ASIC2: variants seen among roughly 807,000 people sequenced by gnomAD.
ASIC2 encodes acid-sensing ion channel 2.
A neutral mutation model predicts 57.3 loss-of-function variants in ASIC2; 25 were observed. The observed-to-expected ratio is 0.44, with a 90% confidence interval of 0.32 to 0.61. ASIC2 has a LOEUF of 0.61. Among genes scored for constraint, ASIC2 ranks in the 20% least tolerant of loss-of-function variants. The pLI is 0.06. For missense variants in ASIC2, 641 were observed against 738.1 expected, an observed-to-expected ratio of 0.87 and a Z score of 1.52; for synonymous variants, 319 against 307.5, an observed-to-expected ratio of 1.04 and a Z score of -0.39.
intron 1 of ASIC2, among the ~76,000 whole-genome samples, chr17:33,769,376 A>G (rs1284228238): frequency 1.3e-5 from 2 of 151,980 alleles, no homozygotes; most frequent in African/African-American, 4.8e-5. Flanking sequence ...TCCCACACTT[A>G]CTCCCTCAAA....
At chr17:34,039,279 T>C in intron 1 of ASIC2, 1 of 1,613,994 alleles carries the variant, frequency 6.2e-7, no homozygotes, top group Non-Finnish European at 8.5e-7. Flanking sequence ...AGATCTGTTT[T>C]TGGGAGCTGC....
intron 1 of ASIC2, among the ~76,000 whole-genome samples, chr17:33,204,121 G>A (rs1174665119): frequency 3.3e-5 from 5 of 152,232 alleles, no homozygotes; most frequent in Non-Finnish European, 7.3e-5. Flanking sequence ...TGGGCTTTCA[G>A]AGAGACCTGC....
chr17:33,452,776 T>TGTGTGTGTGTGA (rs927088214), intron 1 of ASIC2, among the ~76,000 whole-genome samples: 2 of 151,270 alleles, frequency 1.3e-5, no homozygotes, highest in East Asian at 1.9e-4. Context: ...TGTGTGTGTG[T>TGTGTGTGTGTGA]GATAGCCTTT....
chr17:33,136,418 T>G (rs2092367443), intron 1 of ASIC2, among the ~76,000 whole-genome samples: 1 of 152,246 alleles, frequency 6.6e-6, no homozygotes, highest in Non-Finnish European at 1.5e-5. Context: ...TGCACATGCA[T>G]GCTTGAATAT....
chr17:33,184,699 C>T (rs1281293753), intron 1 of ASIC2, among the ~76,000 whole-genome samples: 18 of 152,146 alleles, frequency 1.2e-4, no homozygotes, highest in Admixed American at 1.0e-3. Flanking sequence ...CCCTGCATCC[C>T]GTTGGATACC....
Position 33,084,537 on chromosome 17 carries a change from C to T in ASIC2, c.987+4326G>A, listed in dbSNP as rs189231909. On this transcript the variant is annotated intron_variant, in intron 3 of 9. Transcript: ENST00000225823. ...CCCAACCCTGCTGCTCCCCTAGCTA[C>T]GCAACCTTGAACAAGTTATTCAACC... 8.5e-5 allele frequency among the ~76,000 whole-genome samples: 13 copies of T among 152,338 alleles called. No individual in the cohort carries two copies. In the East Asian group the frequency reaches 2.5e-3, roughly 29 times the overall value.
chr17:33,436,851 TTC>T (rs1344415198), intron 1 of ASIC2, among the ~76,000 whole-genome samples: 1,076 of 49,520 alleles, frequency 0.022, 132 homozygotes, highest in Non-Finnish European at 0.034. Context: ...ACATTCCAAC[TTC>T]TTTTTTTTTT....
chr17:33,636,235 G>A (rs1022373415), intron 1 of ASIC2, among the ~76,000 whole-genome samples: 7 of 152,174 alleles, frequency 4.6e-5, no homozygotes, highest in Non-Finnish European at 8.8e-5. Flanking sequence ...ACGGGTCATG[G>A]TAGAGTTTCA....
intron 1 of ASIC2, among the ~76,000 whole-genome samples, chr17:34,012,056 T>C (rs1351956617): frequency 6.6e-6 from 1 of 152,068 alleles, no homozygotes; most frequent in Admixed American, 6.5e-5. Flanking sequence ...CCTTCCTCCC[T>C]CCCCTTATTT....
At chr17:34,123,364 C>T (rs781085604) in intron 1 of ASIC2, among the ~76,000 whole-genome samples, 6 of 152,174 alleles carry the variant, frequency 3.9e-5, no homozygotes, top group Non-Finnish European at 7.3e-5. Flanking sequence ...GGCTCCACTG[C>T]AATGTCATTT....
chr17:33,352,894 G>C (rs2142250679), intron 1 of ASIC2, among the ~76,000 whole-genome samples: 1 of 152,072 alleles, frequency 6.6e-6, no homozygotes, highest in Admixed American at 6.5e-5. Context: ...TGGTCTGTTG[G>C]GTGAACCCTC....
intron 1 of ASIC2, among the ~76,000 whole-genome samples, chr17:33,917,853 G>T (rs527580297): frequency 2.1e-4 from 23 of 111,026 alleles, no homozygotes; most frequent in Admixed American, 6.8e-4. Flanking sequence ...CATAAAGCCC[G>T]GTACACACAC....
At chr17:33,640,963 A>T (rs1906544103) in intron 1 of ASIC2, among the ~76,000 whole-genome samples, 1 of 152,182 alleles carries the variant, frequency 6.6e-6, no homozygotes, top group South Asian at 2.1e-4. Context: ...TTGGAAAAAG[A>T]AAAACTCTGT....
intron 1 of ASIC2, among the ~76,000 whole-genome samples, chr17:33,335,594 G>A (rs1907482234): frequency 6.6e-6 from 1 of 152,114 alleles, no homozygotes; most frequent in Admixed American, 6.5e-5. Flanking sequence ...AAATCCATAT[G>A]CGTGGGGACT....
chr17:33,080,743 T>C (rs1277835911), intron 3 of ASIC2, among the ~76,000 whole-genome samples: 1 of 152,104 alleles, frequency 6.6e-6, no homozygotes, highest in Non-Finnish European at 1.5e-5. Flanking sequence ...ACCTTGATGG[T>C]AAATCTGATC....
intron 1 of ASIC2, among the ~76,000 whole-genome samples, chr17:33,599,923 TC>T (rs1905081699): frequency 6.6e-6 from 1 of 152,210 alleles, no homozygotes; most frequent in Non-Finnish European, 1.5e-5. Context: ...TTCAAATCCT[TC>T]CTGTAACCCT....
intron 1 of ASIC2, among the ~76,000 whole-genome samples, chr17:33,230,687 C>T (rs530782136): frequency 6.6e-6 from 1 of 152,058 alleles, no homozygotes; most frequent in South Asian, 2.1e-4. Flanking sequence ...TAAGCTGTCA[C>T]ACACAGTGCG....
At chr17:33,527,984 C>A (rs1226896319) in intron 1 of ASIC2, among the ~76,000 whole-genome samples, 1 of 152,182 alleles carries the variant, frequency 6.6e-6, no homozygotes, top group Non-Finnish European at 1.5e-5. Context: ...GGAGGCCCTA[C>A]TGTATTGCAG....
intron 1 of ASIC2, among the ~76,000 whole-genome samples, chr17:33,289,538 C>T (rs1248280667): frequency 6.6e-6 from 1 of 152,156 alleles, no homozygotes; most frequent in Non-Finnish European, 1.5e-5. Flanking sequence ...TGTAAGTCCT[C>T]TGAGAGAAGA....
Sources: allele counts gnomAD v4.1 joint callset (sites outside exome capture counted in the v4.1 genomes callset), GRCh38; gene constraint gnomAD v4.1.1; transcripts MANE v1.5; gene names NCBI Gene and HGNC (gene_info 2026-07-23, HGNC 2026-07-21).